Variants in RCAN2 observed in about 807,000 individuals in gnomAD.
The protein encoded by RCAN2 is regulator of calcineurin 2.
Under a neutral mutation model 23.6 loss-of-function variants are expected in RCAN2, and 9 were observed. The ratio of observed to expected loss-of-function variants is 0.38; its 90% CI spans 0.23 to 0.67. RCAN2 has a LOEUF of 0.67. Among genes scored for constraint, RCAN2 ranks in the 30% least tolerant of loss-of-function variants. RCAN2 has a pLI of 0.51. For missense variants in RCAN2, 273 were observed against 302.3 expected, an observed-to-expected ratio of 0.90 and a Z score of 0.72; for synonymous variants, 109 against 115.7, an observed-to-expected ratio of 0.94 and a Z score of 0.37.
chr6:46,277,628 A>AT (rs879314789), intron 2 of RCAN2, among the ~76,000 whole-genome samples: 17 of 151,596 alleles, frequency 1.1e-4, no homozygotes, highest in South Asian at 2.1e-4. Flanking sequence ...ATTTTACTTA[A>AT]TTTTTTTTGG....
chr6:46,330,949 T>C (rs916730674), intron 2 of RCAN2, among the ~76,000 whole-genome samples: 1 of 152,216 alleles, frequency 6.6e-6, no homozygotes, highest in Non-Finnish European at 1.5e-5. Context: ...TGGTGCTATG[T>C]GTACTTCTAT....
chr6:46,389,676 C>T (rs1765871698), intron 2 of RCAN2, among the ~76,000 whole-genome samples: 1 of 152,180 alleles, frequency 6.6e-6, no homozygotes, highest in South Asian at 2.1e-4. Context: ...CTTATGAATG[C>T]AAAGAAAATA....
chr6:46,224,383 T>C (rs1352484269), intron 4 of RCAN2, among the ~76,000 whole-genome samples: 2 of 152,202 alleles, frequency 1.3e-5, no homozygotes, highest in African/African-American at 4.8e-5. Context: ...GCTCTCTAGA[T>C]CTCACAAGAT....
chr6:46,238,915 T>C (rs902594176), intron 4 of RCAN2, among the ~76,000 whole-genome samples: 1 of 152,218 alleles, frequency 6.6e-6, no homozygotes, highest in African/African-American at 2.4e-5. Context: ...ATAGTTAACA[T>C]ACACTGAGCC....
chr6:46,312,687 C>T (rs1222874971), intron 2 of RCAN2, among the ~76,000 whole-genome samples: 4 of 152,192 alleles, frequency 2.6e-5, no homozygotes, highest in African/African-American at 9.7e-5. Flanking sequence ...TCTAGTTTGA[C>T]TTCTTTCTTC....
chr6:46,357,023 C>T (rs976384740), intron 2 of RCAN2, among the ~76,000 whole-genome samples: 1 of 152,170 alleles, frequency 6.6e-6, no homozygotes. Flanking sequence ...TAAATTTGAC[C>T]CTCTCCAGCT....
chr6:46,288,511 C>A (rs1212444923), intron 2 of RCAN2, among the ~76,000 whole-genome samples: 1 of 152,206 alleles, frequency 6.6e-6, no homozygotes, highest in Non-Finnish European at 1.5e-5. Flanking sequence ...AGGGGAGAAT[C>A]CTCAACCTAT....
At position 46,361,215 on chromosome 6, in the gene RCAN2, G is replaced by T. The variant is rs1765002866; in HGVS notation, c.225+95537C>A. 1.3e-5 allele frequency among the ~76,000 whole-genome samples: 2 copies of T among 152,176 alleles called. 1 individual carries two copies. Among genetic ancestry groups the T allele is most frequent in the South Asian group, 4.1e-4 (2 of 4,830 alleles). ...TGACATGGAGAACTCTATCCTGGGG[G>T]AAGGGTGAGAGAAAGGAGAGTCTGC... On this transcript the variant is annotated intron_variant, in intron 2 of 4. Coordinates refer to ENST00000371374, the MANE Select transcript of RCAN2 (RefSeq NM_001251974.2).
At chr6:46,332,685 C>T (rs1764016661) in intron 2 of RCAN2, among the ~76,000 whole-genome samples, 1 of 152,094 alleles carries the variant, frequency 6.6e-6, no homozygotes, top group African/African-American at 2.4e-5. Flanking sequence ...ATATGTGCCA[C>T]ATTTCCTTAA....
At chr6:46,330,546 T>C (rs796440821) in intron 2 of RCAN2, among the ~76,000 whole-genome samples, 7 of 152,348 alleles carry the variant, frequency 4.6e-5, no homozygotes, top group African/African-American at 1.7e-4. Flanking sequence ...TTCCTTAGTA[T>C]CACCAAACGT....
At chr6:46,362,410 T>C (rs1222073582) in intron 2 of RCAN2, among the ~76,000 whole-genome samples, 2 of 152,000 alleles carry the variant, frequency 1.3e-5, no homozygotes, top group Admixed American at 1.3e-4. Flanking sequence ...TATTATATAT[T>C]GGTATATATA....
chr6:46,402,151 G>T (rs1438303652), intron 2 of RCAN2, among the ~76,000 whole-genome samples: 1 of 152,206 alleles, frequency 6.6e-6, no homozygotes, highest in Admixed American at 6.5e-5. Flanking sequence ...AAAAGTTTAA[G>T]CAACAAAGAG....
chr6:46,296,479 A>T (rs2150348497), intron 2 of RCAN2, among the ~76,000 whole-genome samples: 1 of 152,250 alleles, frequency 6.6e-6, no homozygotes, highest in Non-Finnish European at 1.5e-5. Context: ...TACCTAATAA[A>T]TAGACACTTA....
intron 2 of RCAN2, among the ~76,000 whole-genome samples, chr6:46,411,914 T>C (rs999880766): frequency 6.6e-6 from 1 of 152,170 alleles, no homozygotes; most frequent in Non-Finnish European, 1.5e-5. Flanking sequence ...ATTCTAAGTA[T>C]GATGGGAAGT....
chr6:46,367,001 T>C (rs938290329), intron 2 of RCAN2, among the ~76,000 whole-genome samples: 1 of 106,958 alleles, frequency 9.3e-6, no homozygotes, highest in Admixed American at 1.1e-4. Flanking sequence ...TTTTTTATTT[T>C]ATTTTCAGTT....
At chr6:46,319,461 T>G (rs1763540582) in intron 2 of RCAN2, among the ~76,000 whole-genome samples, 1 of 152,330 alleles carries the variant, frequency 6.6e-6, no homozygotes, top group East Asian at 1.9e-4. Context: ...TGCCAATGTC[T>G]GTTACTTCTC....
chr6:46,243,822 A>AAAC (rs1412895341), intron 4 of RCAN2, among the ~76,000 whole-genome samples: 5 of 150,848 alleles, frequency 3.3e-5, no homozygotes, highest in African/African-American at 1.2e-4. Context: ...AAAAAAAAAA[A>AAAC]AAAAAAAAAA....
At chr6:46,412,796 G>A (rs1421643535) in intron 2 of RCAN2, among the ~76,000 whole-genome samples, 1 of 152,196 alleles carries the variant, frequency 6.6e-6, no homozygotes, top group Non-Finnish European at 1.5e-5. Flanking sequence ...GGCAAGAGGA[G>A]TTGGGACTCT....
Position 46,416,588 on chromosome 6 carries a change from C to T in RCAN2, c.225+40164G>A, listed in dbSNP as rs116528345. The stretch of plus-strand genomic sequence containing the variant: ...GGAGTATAGTGGCACAATCATGGCT[C>T]ACTGCTCCCTCAACCTCCCAGGCTC... On this transcript the variant is annotated intron_variant, in intron 2 of 4. Coordinates refer to ENST00000371374, the MANE Select transcript of RCAN2 (RefSeq NM_001251974.2). 4.0e-3 allele frequency among the ~76,000 whole-genome samples: 606 copies of T among 151,762 alleles called. 2 individuals carry two copies. The highest frequency in any genetic ancestry group is 0.014 in the African/African-American group (575 of 41,382).
Sources: allele counts gnomAD v4.1 joint callset (sites outside exome capture counted in the v4.1 genomes callset), GRCh38; gene constraint gnomAD v4.1.1; transcripts MANE v1.5; gene names NCBI Gene and HGNC (gene_info 2026-07-23, HGNC 2026-07-21).